The following MR1 variants were observed in gnomAD, a reference collection of about 807,000 sequenced individuals.
MR1 encodes major histocompatibility complex class I-related protein 1.
In MR1, 44 loss-of-function variants were observed where a neutral mutation model predicts 37.8. That is an observed-to-expected ratio of 1.16 (90% CI 0.91 to 1.50). MR1 has a LOEUF of 1.50. MR1 is among the 40% of genes most tolerant of loss of function. MR1 has a pLI of 0.00. For synonymous variants in MR1, 153 were observed against 155.8 expected, an observed-to-expected ratio of 0.98 and a Z score of 0.13; for missense variants, 386 against 419.1, an observed-to-expected ratio of 0.92 and a Z score of 0.69.
intron 1 of MR1, 85 bp from the exon 2 acceptor site, chr1:181,048,967 C>T: frequency 3.3e-6 from 5 of 1,518,288 alleles, no homozygotes; most frequent in Non-Finnish European, 4.5e-6. Context: ...GAGTAGGGAG[C>T]ACTCGTGTGG....
chr1:181,048,947 G>A (rs968341684), intron 1 of MR1, 105 bp from the exon 2 acceptor site: 19 of 1,432,350 alleles, frequency 1.3e-5, no homozygotes, highest in Non-Finnish European at 1.6e-5. Context: ...GTGGAGGCCT[G>A]GGTACAGCTG....
At chr1:181,036,595 A>G (rs1260418224) in intron 1 of MR1, among the ~76,000 whole-genome samples, 2 of 152,008 alleles carry the variant, frequency 1.3e-5, no homozygotes, top group African/African-American at 4.8e-5. Context: ...TGTCAACATA[A>G]CTCCAATATC....
chr1:181,042,166 C>G lies in MR1; in HGVS notation c.68-6886C>G, dbSNP rs534528449. Among the ~76,000 whole-genome samples, 7 of 151,880 alleles carry G rather than the reference C, an allele frequency of 4.6e-5. No homozygotes were observed. In the South Asian group the frequency reaches 1.5e-3, roughly 32 times the overall value. On this transcript the variant is annotated intron_variant, in intron 1 of 5. Coordinates refer to ENST00000367580, the MANE Select transcript of MR1 (RefSeq NM_001385161.1). ...GCAGATCCCAGATTGCAGTTCAACT[C>G]TCCATTCACCAGCCTTCCCTTGAAT...
chr1:181,046,595 A>G (rs1208896047), intron 1 of MR1, among the ~76,000 whole-genome samples: 2 of 152,142 alleles, frequency 1.3e-5, no homozygotes, highest in Non-Finnish European at 2.9e-5. Flanking sequence ...GGCTCTACCA[A>G]TCAGCAGGAT....
Position 181,034,009 on chromosome 1 carries a change from TG to T in MR1, c.7del (p.Glu3?), listed in dbSNP as rs1657142206. The T allele has an allele frequency of 6.2e-7, 1 of 1,612,288 alleles. No homozygotes were observed. On this transcript the variant is annotated frameshift_variant and start_lost, in exon 1 of 6. Transcript: ENST00000367580. LOFTEE classifies it high-confidence loss of function. The part of the protein sequence containing the change: [M>X]GELMAFLLPL... ...AAAGAACCCGGAAAGAGAAGGACTA[TG>T]GGGGAACTGATGGCGTTCCTGTTAC...
chr1:181,055,395 C>T lies in MR1; in HGVS notation c.*130C>T, dbSNP rs755962419. The T allele has an allele frequency of 1.2e-4, 96 of 784,632 alleles. No homozygotes were observed. The highest frequency in any genetic ancestry group is 2.3e-4 in the Middle Eastern group (1 of 4,294). 48.6% of individuals were successfully genotyped at this position (784,632 alleles called of 1,614,324 possible). ...CATACATGAGAGTAATGGGATTGAG[C>T]ATTTATGGCAGCAACAGAGGAGCCA... On this transcript the variant is annotated 3_prime_UTR_variant, in exon 6 of 6. Transcript: ENST00000367580.
upstream of MR1, among the ~76,000 whole-genome samples, chr1:181,033,641 C>G (rs1558109123): frequency 1.3e-5 from 2 of 152,266 alleles, no homozygotes; most frequent in Admixed American, 6.5e-5. Flanking sequence ...CTTACTGACC[C>G]TTAAGCAAAA....
intron 1 of MR1, among the ~76,000 whole-genome samples, chr1:181,038,554 G>T (rs1657389072): frequency 6.6e-6 from 1 of 152,244 alleles, no homozygotes; most frequent in Non-Finnish European, 1.5e-5. Flanking sequence ...GTGTAGGAAG[G>T]TCTGGAGCCT....
In MR1 at chr1:181,061,930, G is replaced by C. The variant is rs1332821832; in HGVS notation, c.*6665G>C. 4 of 152,092 alleles carry C rather than the reference G, an allele frequency of 2.6e-5. No individual in the cohort carries two copies. Among genetic ancestry groups the C allele is most frequent in the Admixed American group, 2.6e-4 (4 of 15,276 alleles). The allele number at this position is 152,092 out of a possible 1,614,324, so 9.4% of individuals were successfully genotyped here. The stretch of plus-strand genomic sequence containing the variant: ...TTCTCCATCTAATAAACTTTATCTT[G>C]TCATTGCATTGTCTGTGAGATTAGT... On this transcript the variant is annotated 3_prime_UTR_variant, in exon 6 of 6. Transcript: ENST00000367580.
chr1:181,052,208 G>A (rs1375572693), intron 3 of MR1, 27 bp from the exon 4 acceptor site: 4 of 1,609,390 alleles, frequency 2.5e-6, no homozygotes, highest in South Asian at 1.1e-5. Context: ...AAGGCACTTT[G>A]ATTTAACTTT....
intron 2 of MR1, chr1:181,049,570 A>G (rs2102393783): frequency 1.8e-6 from 1 of 545,138 alleles, no homozygotes; most frequent in Non-Finnish European, 3.2e-6. Context: ...TCCCATTTCC[A>G]CTCAGGCTTC....
At chr1:181,044,666 T>C (rs1164946551) in intron 1 of MR1, among the ~76,000 whole-genome samples, 1 of 152,186 alleles carries the variant, frequency 6.6e-6, no homozygotes, top group Non-Finnish European at 1.5e-5. Flanking sequence ...GACTCAGAGC[T>C]GCTGAGGTTT....
rs1167485335 is a variant in MR1, at chr1:181,052,407, C to T, written c.777C>T (p.Thr259=). 3.1e-6 allele frequency: 5 copies of T among 1,614,064 alleles called. No individual in the cohort carries two copies. The African/African-American group carries it at 5.3e-5, about 17-fold the overall frequency. The change falls in exon 4 of 6, where the codon ACC becomes ACT. Residue 259 remains threonine, a synonymous_variant. Coordinates refer to ENST00000367580, the MANE Select transcript of MR1 (RefSeq NM_001385161.1). ...YGDILPSGDG[T]YQAWASIELD... Reference sequence around the variant, plus strand: ...ACATTCTTCCCAGTGGGGATGGAACCTATCAGGCGTGGGCATCAATTGAGC... The same window carrying T: ...ACATTCTTCCCAGTGGGGATGGAACTTATCAGGCGTGGGCATCAATTGAGC...
In MR1 at chr1:181,060,602, G is replaced by A. The variant is rs1243619693; in HGVS notation, c.*5337G>A. ...ATTTTGGAGAGTTTGGGAGCATTTGGGGGCAGGAGGCAAATGTTCTTCCTT... is the reference window on the plus strand; with the variant it reads ...ATTTTGGAGAGTTTGGGAGCATTTGAGGGCAGGAGGCAAATGTTCTTCCTT... On this transcript the variant is annotated 3_prime_UTR_variant, in exon 6 of 6. Transcript: ENST00000367580. 1 of 152,220 alleles carries A rather than the reference G, an allele frequency of 6.6e-6. No homozygotes were observed. Among genetic ancestry groups the A allele is most frequent in the Non-Finnish European group, 1.5e-5 (1 of 68,056 alleles). 9.4% of individuals were successfully genotyped at this position (152,220 alleles called of 1,614,324 possible).
intron 1 of MR1, among the ~76,000 whole-genome samples, chr1:181,046,917 C>T (rs990510048): frequency 2.0e-5 from 3 of 152,090 alleles, no homozygotes; most frequent in Non-Finnish European, 4.4e-5. Flanking sequence ...AGCGAGAGCA[C>T]CAACCCAACA....
Position 181,050,267 on chromosome 1 carries a change from A to G in MR1, c.585A>G (p.Lys195=). ...AWLKRFLEYG[K]DTLQRTEPPL... Reference sequence around the variant, plus strand: ...TAAAGAGATTCCTGGAGTATGGGAAAGACACCCTACAAAGAACAGGTAAAG... The same window carrying G: ...TAAAGAGATTCCTGGAGTATGGGAAGGACACCCTACAAAGAACAGGTAAAG... Residue 195 remains lysine, a synonymous_variant, in exon 3 of 6, where the codon AAA becomes AAG. Coordinates refer to ENST00000367580, the MANE Select transcript of MR1 (RefSeq NM_001385161.1). The G allele has an allele frequency of 1.2e-6, 2 of 1,614,234 alleles. No individual in the cohort carries two copies. The highest frequency in any genetic ancestry group is 1.7e-6 in the Non-Finnish European group (2 of 1,180,036).
intron 4 of MR1, 40 bp downstream of exon 4, chr1:181,052,550 G>T: frequency 6.3e-7 from 1 of 1,593,474 alleles, no homozygotes; most frequent in South Asian, 1.1e-5. Flanking sequence ...AGAGAGCCTG[G>T]AGAAAGGGGT....
rs181639035 is a variant in MR1, at chr1:181,034,099, T to C, written c.67+25T>C. ...CGTGAGTATCCCACGTCCTCTTCTCTCCTAACTCCAAAGTCGAGGCAGCCT... is the reference window on the plus strand; with the variant it reads ...CGTGAGTATCCCACGTCCTCTTCTCCCCTAACTCCAAAGTCGAGGCAGCCT... On this transcript the variant is annotated intron_variant, in intron 1 of 5. Coordinates refer to ENST00000367580, the MANE Select transcript of MR1 (RefSeq NM_001385161.1). 6,036 of 1,603,314 alleles carry C rather than the reference T, an allele frequency of 3.8e-3. 21 individuals carry two copies. The highest frequency in any genetic ancestry group is 4.6e-3 in the Non-Finnish European group (5,453 of 1,176,216).
intron 1 of MR1, among the ~76,000 whole-genome samples, chr1:181,041,116 T>G (rs538784768): frequency 1.5e-5 from 2 of 135,160 alleles, no homozygotes; most frequent in South Asian, 4.4e-4. Context: ...AATAAATAAA[T>G]AAATAAAGCA....
Sources: gnomAD v4.1 joint callset for allele counts (sites outside exome capture counted in the v4.1 genomes callset) on GRCh38, gnomAD v4.1.1 for gene constraint, MANE v1.5 for transcripts, NCBI Gene and HGNC (gene_info 2026-07-23, HGNC 2026-07-21) for gene names.